The following PACRG variants were observed in gnomAD, a reference collection of about 807,000 sequenced individuals.
The protein encoded by PACRG is parkin coregulated.
PACRG carries 29 observed loss-of-function variants against 29.7 expected under a neutral mutation model. The ratio of observed to expected loss-of-function variants is 0.98; its 90% CI spans 0.73 to 1.33. PACRG has a LOEUF of 1.33. PACRG is among the 40% of genes most tolerant of loss of function. The pLI is 0.00. For synonymous variants in PACRG, 116 were observed against 118.7 expected (o/e 0.98, Z 0.15); for missense variants, 279 against 316.2 (o/e 0.88, Z 0.89).
chr6:163,288,984 G>C (rs910929273), intron 4 of PACRG, among the ~76,000 whole-genome samples: 1 of 152,130 alleles, frequency 6.6e-6, no homozygotes, highest in Non-Finnish European at 1.5e-5. Flanking sequence ...GCCCAGCAAA[G>C]GTGAAACACA....
chr6:162,992,473 G>A (rs1358376722), intron 2 of PACRG, among the ~76,000 whole-genome samples: 2 of 149,094 alleles, frequency 1.3e-5, no homozygotes, highest in African/African-American at 2.5e-5. Context: ...TCTTGGGAGA[G>A]TGTATGTGTC....
At chr6:162,751,113 A>G (rs1157640825) in intron 1 of PACRG, among the ~76,000 whole-genome samples, 4 of 151,598 alleles carry the variant, frequency 2.6e-5, no homozygotes, top group Non-Finnish European at 1.5e-5. Flanking sequence ...CATTATTTTT[A>G]TTTGTGTTTA....
chr6:163,203,669 C>T (rs1780794593), intron 4 of PACRG, among the ~76,000 whole-genome samples: 2 of 152,186 alleles, frequency 1.3e-5, no homozygotes, highest in Non-Finnish European at 2.9e-5. Flanking sequence ...ACAATAATAG[C>T]AAATTCTGAG....
chr6:162,989,296 A>T (rs930244393), intron 2 of PACRG, among the ~76,000 whole-genome samples: 1 of 152,188 alleles, frequency 6.6e-6, no homozygotes, highest in Non-Finnish European at 1.5e-5. Context: ...TAAGTTTGAT[A>T]TTGAATGTGT....
chr6:162,985,401 G>A lies in PACRG; in HGVS notation c.292-76749G>A, dbSNP rs564977585. Among the ~76,000 whole-genome samples the A allele has an allele frequency of 3.3e-5, 5 of 152,004 alleles. No homozygotes were observed. The East Asian group carries it at 7.7e-4, about 24-fold the overall frequency. ...ATGAGGGATGCAGGGATGGTTTAAC[G>A]TACATAAGTCAGTAACTGTGATAAA... On this transcript the variant is annotated intron_variant, in intron 2 of 4. Coordinates refer to ENST00000366888, the MANE Select transcript of PACRG (RefSeq NM_001080379.2).
chr6:163,023,195 A>T (rs1444234093), intron 2 of PACRG, among the ~76,000 whole-genome samples: 1 of 152,158 alleles, frequency 6.6e-6, no homozygotes, highest in African/African-American at 2.4e-5. Context: ...TGAGCATAAT[A>T]CCCGATGGGT....
intron 4 of PACRG, among the ~76,000 whole-genome samples, chr6:163,111,220 A>T (rs1815696359): frequency 6.6e-6 from 1 of 152,190 alleles, no homozygotes; most frequent in Non-Finnish European, 1.5e-5. Flanking sequence ...ACTGTAGTTA[A>T]TCCCAATTGC....
At chr6:163,155,714 A>G (rs1233415532) in intron 4 of PACRG, among the ~76,000 whole-genome samples, 3 of 152,164 alleles carry the variant, frequency 2.0e-5, no homozygotes, top group Non-Finnish European at 1.5e-5. Context: ...AATCCACTCA[A>G]CTGACTCTAA....
rs183846192 is a variant in PACRG at position 163,253,112 on chromosome 6, C to T, written c.614-61715C>T. Among the ~76,000 whole-genome samples, 340 of 151,350 alleles carry T rather than the reference C, an allele frequency of 2.2e-3. 3 individuals carry two copies. The highest frequency in any genetic ancestry group is 2.7e-3 in the South Asian group (13 of 4,774). Reference sequence around the variant, plus strand: ...AGGAGGTCGAGACCAGCCTGGCCAACGTGGCGAAACCCTGTCTCTACTAAG... The same window carrying T: ...AGGAGGTCGAGACCAGCCTGGCCAATGTGGCGAAACCCTGTCTCTACTAAG... On this transcript the variant is annotated intron_variant, in intron 4 of 4. Transcript: ENST00000366888.
chr6:162,801,004 G>C lies in PACRG; in HGVS notation c.157-13143G>C, dbSNP rs373899961. ...CTGAGCCGTCTTCTGAACTGCCTGC[G>C]TCTTCGTGGACCTCCTTAAATCTTT... On this transcript the variant is annotated intron_variant, in intron 1 of 4. Coordinates refer to ENST00000366888, the MANE Select transcript of PACRG (RefSeq NM_001080379.2). Among the ~76,000 whole-genome samples, 13 of 152,250 alleles carry C rather than the reference G, an allele frequency of 8.5e-5. No homozygotes were observed. The East Asian group carries it at 2.3e-3, about 27-fold the overall frequency.
At chr6:162,793,105 A>G (rs1240697745) in intron 1 of PACRG, among the ~76,000 whole-genome samples, 1 of 152,118 alleles carries the variant, frequency 6.6e-6, no homozygotes, top group Non-Finnish European at 1.5e-5. Flanking sequence ...TCCACTGGTA[A>G]ATTTGTAGTT....
At chr6:162,735,078 A>G (rs932128677) in intron 1 of PACRG, among the ~76,000 whole-genome samples, 3 of 152,176 alleles carry the variant, frequency 2.0e-5, no homozygotes, top group African/African-American at 7.2e-5. Flanking sequence ...TTGTAAGTAA[A>G]TCCTTCATGT....
rs188612812 is a variant in PACRG at position 162,744,290 on chromosome 6, G to A, written c.156+15899G>A. The stretch of plus-strand genomic sequence containing the variant: ...TTGTTTCAGTGGGAAAGATATCAGA[G>A]ACATCTATATAAAGATATTATTCCT... On this transcript the variant is annotated intron_variant, in intron 1 of 4. Coordinates refer to ENST00000366888, the MANE Select transcript of PACRG (RefSeq NM_001080379.2). 9.5e-4 allele frequency among the ~76,000 whole-genome samples: 144 copies of A among 152,220 alleles called. 3 individuals are homozygous for A. The highest frequency in any genetic ancestry group is 1.9e-4 in the Non-Finnish European group (13 of 68,018).
chr6:163,073,612 T>C (rs1812275751), intron 3 of PACRG, among the ~76,000 whole-genome samples: 1 of 152,090 alleles, frequency 6.6e-6, no homozygotes, highest in Admixed American at 6.5e-5. Flanking sequence ...ACCTTTTGCA[T>C]AGCAAAGGAA....
At chr6:163,094,258 C>A (rs1262379500) in intron 4 of PACRG, among the ~76,000 whole-genome samples, 1 of 152,172 alleles carries the variant, frequency 6.6e-6, no homozygotes, top group Non-Finnish European at 1.5e-5. Context: ...AGGTTCATCC[C>A]CCATGGAATT....
intron 1 of PACRG, among the ~76,000 whole-genome samples, chr6:162,803,850 T>A (rs2128343724): frequency 6.6e-6 from 1 of 152,170 alleles, no homozygotes; most frequent in African/African-American, 2.4e-5. Context: ...ATACAAAAAA[T>A]TTACCTCATT....
chr6:163,078,158 C>G (rs1562893158), intron 3 of PACRG, among the ~76,000 whole-genome samples: 1 of 152,178 alleles, frequency 6.6e-6, no homozygotes, highest in African/African-American at 2.4e-5. Context: ...CGCATAACTG[C>G]TATCGTCCAA....
intron 2 of PACRG, among the ~76,000 whole-genome samples, chr6:162,847,921 T>C (rs899423044): frequency 1.3e-5 from 2 of 152,146 alleles, no homozygotes; most frequent in Non-Finnish European, 2.9e-5. Flanking sequence ...GGAAGAGGCC[T>C]GAGCAGATTT....
chr6:162,854,018 G>T (rs1263180720), intron 2 of PACRG, among the ~76,000 whole-genome samples: 2 of 151,924 alleles, frequency 1.3e-5, no homozygotes, highest in Non-Finnish European at 2.9e-5. Flanking sequence ...ATGGTCAACA[G>T]TTGAAGGAAA....
Sources: allele counts gnomAD v4.1 joint callset (sites outside exome capture counted in the v4.1 genomes callset), GRCh38; gene constraint gnomAD v4.1.1; transcripts MANE v1.5; gene names NCBI Gene and HGNC (gene_info 2026-07-23, HGNC 2026-07-21).